Variants in NFIL3 observed in about 807,000 individuals in gnomAD.
The protein encoded by NFIL3 is nuclear factor, interleukin 3 regulated.
Under a neutral mutation model 10.0 loss-of-function variants are expected in NFIL3, and 5 were observed. That is an observed-to-expected ratio of 0.50 (90% CI 0.26 to 1.06). The LOEUF is 1.06. NFIL3 is among the 50% of genes least tolerant of loss of function. The probability of loss-of-function intolerance (pLI) is 0.13; values close to 1 mark genes in which losing one functional copy is unlikely to be tolerated. For missense variants in NFIL3, 436 were observed against 547.6 expected (o/e 0.80, Z 2.03); for synonymous variants, 202 against 206.5 (o/e 0.98, Z 0.19).
chr9:91,473,853 A>G, the NFIL3 span, among the ~76,000 whole-genome samples: 1 of 152,214 alleles, frequency 6.6e-6, no homozygotes, highest in Non-Finnish European at 1.5e-5. Context: ...ACAATCTCCA[A>G]TTCTCTGAGA....
the NFIL3 span, among the ~76,000 whole-genome samples, chr9:91,460,268 G>GTTTTT: frequency 1.3e-5 from 1 of 77,090 alleles, no homozygotes; most frequent in African/African-American, 1.3e-4. Flanking sequence ...GGAGGGCTTG[G>GTTTTT]TTCTTTTTTT....
the NFIL3 span, among the ~76,000 whole-genome samples, chr9:91,444,348 A>AATTATCTATC: frequency 6.6e-6 from 1 of 152,140 alleles, no homozygotes; most frequent in African/African-American, 2.4e-5. Context: ...GATTTCATTG[A>AATTATCTATC]ATTATCTATC....
At position 91,410,843 on chromosome 9, in the gene NFIL3, G is replaced by T; in HGVS notation, c.-109C>A. Reference sequence around the variant, plus strand: ...AAAATCCATCAATATTCTTCCTTTTGTTCTACCGTCTGGGATAAATCCGTC... The same window carrying T: ...AAAATCCATCAATATTCTTCCTTTTTTTCTACCGTCTGGGATAAATCCGTC... On this transcript the variant is annotated 5_prime_UTR_variant, in exon 2 of 2. Coordinates refer to ENST00000297689, the MANE Select transcript of NFIL3 (RefSeq NM_005384.3). The surrounding 1 kb of genome is among the most constrained non-coding windows in gnomAD (Gnocchi z 5.7). The T allele has an allele frequency of 8.4e-7, 1 of 1,197,558 alleles. No individual in the cohort carries two copies. The highest frequency in any genetic ancestry group is 1.2e-6 in the Non-Finnish European group (1 of 868,200). The allele number at this position is 1,197,558 out of a possible 1,614,324, so 74.2% of individuals were successfully genotyped here.
chr9:91,445,278 A>G, the NFIL3 span, among the ~76,000 whole-genome samples: 1 of 152,190 alleles, frequency 6.6e-6, no homozygotes, highest in Admixed American at 6.5e-5. Context: ...GATACCACAC[A>G]GTAGTGACTC....
At chr9:91,458,108 AT>A in the NFIL3 span, among the ~76,000 whole-genome samples, 2 of 152,096 alleles carry the variant, frequency 1.3e-5, no homozygotes, top group Admixed American at 6.5e-5. Flanking sequence ...TTAATCTGTA[AT>A]TAAAAAAATA....
At chr9:91,431,145 G>T in the NFIL3 span, among the ~76,000 whole-genome samples, 60 of 152,330 alleles carry the variant, frequency 3.9e-4, 1 homozygote, top group African/African-American at 1.4e-3. Context: ...GGGACCTGGA[G>T]TAGCAAAACC....
the NFIL3 span, among the ~76,000 whole-genome samples, chr9:91,451,707 G>T: frequency 6.6e-6 from 1 of 152,166 alleles, no homozygotes; most frequent in Admixed American, 6.5e-5. Context: ...TCTAAGATGT[G>T]TGGGTTCTTG....
Position 91,409,643 on chromosome 9 carries a change from T to C in NFIL3, c.1092A>G (p.Glu364=). Residue 364 remains glutamate, a synonymous_variant, in exon 2 of 2, where the codon GAA becomes GAG. Coordinates refer to ENST00000297689, the MANE Select transcript of NFIL3 (RefSeq NM_005384.3). The part of the protein sequence containing the change: ...PIDMTSKRHF[E]LEKHSAPSMV... ...TACTTGGGGCACTATGCTTTTCGAG[T>C]TCGAAATGTCTTTTAGATGTCATGT... 6.2e-7 allele frequency: 1 copy of C among 1,614,170 alleles called. No homozygotes were observed. The highest frequency in any genetic ancestry group is 8.5e-7 in the Non-Finnish European group (1 of 1,180,028).
upstream of NFIL3, among the ~76,000 whole-genome samples, chr9:91,425,732 C>G (rs1833866016): frequency 6.6e-6 from 1 of 152,240 alleles, no homozygotes; most frequent in South Asian, 2.1e-4. Flanking sequence ...CCGGCCACAG[C>G]CTCCCTGGTA....
the NFIL3 span, among the ~76,000 whole-genome samples, chr9:91,480,393 A>C: frequency 6.6e-6 from 1 of 152,170 alleles, no homozygotes; most frequent in African/African-American, 2.4e-5. Context: ...GAGAGCATAA[A>C]CATGAAACAT....
the NFIL3 span, among the ~76,000 whole-genome samples, chr9:91,430,457 G>A: frequency 3.2e-4 from 49 of 152,214 alleles, no homozygotes; most frequent in Admixed American, 1.3e-4. Context: ...GGCCCTTAGA[G>A]GTTAATGGGA....
chr9:91,410,679 C>T lies in NFIL3; in HGVS notation c.56G>A (p.Ser19Asn). The change falls in exon 2 of 2, where the codon AGT becomes AAT. Residue 19 changes from serine to asparagine, a missense_variant. This residue lies in a region of NFIL3 where 76 missense variants were observed against 73.0 expected (regional missense o/e 1.04). Transcript: ENST00000297689. The surrounding 1 kb of genome is among the most constrained non-coding windows in gnomAD (Gnocchi z 5.7). ...VKKEQASLDA[S>N]SNVDKMMVLN... ...GACCATCATCTTGTCCACATTGCTA[C>T]TGGCATCAAGAGACGCCTGCTCCTT... 6.2e-7 allele frequency: 1 copy of T among 1,612,230 alleles called. No homozygotes were observed. The highest frequency in any genetic ancestry group is 8.5e-7 in the Non-Finnish European group (1 of 1,179,496).
intron 1 of NFIL3, among the ~76,000 whole-genome samples, chr9:91,421,100 G>A (rs1356295378): frequency 2.0e-5 from 3 of 152,184 alleles, no homozygotes; most frequent in Non-Finnish European, 4.4e-5. Flanking sequence ...TTGGAACAAA[G>A]GTGTCTGCAG....
At chr9:91,457,475 A>G in the NFIL3 span, among the ~76,000 whole-genome samples, 2 of 151,988 alleles carry the variant, frequency 1.3e-5, no homozygotes, top group Non-Finnish European at 2.9e-5. Context: ...TTCATTCCCA[A>G]GTGTTTTTTA....
At chr9:91,426,998 A>C (rs1833879432), upstream of NFIL3, 1 of 152,178 alleles carries the variant, frequency 6.6e-6, no homozygotes, top group East Asian at 1.9e-4. Context: ...CCACTGAAGA[A>C]GACTGTTTTT....
chr9:91,415,584 T>TG (rs1358164166), intron 1 of NFIL3, among the ~76,000 whole-genome samples: 1 of 152,114 alleles, frequency 6.6e-6, no homozygotes, highest in Non-Finnish European at 1.5e-5. Flanking sequence ...TAAGTTACTT[T>TG]GGGCGCAGTA....
chr9:91,425,173 C>G (rs765965195), upstream of NFIL3, among the ~76,000 whole-genome samples: 1 of 152,202 alleles, frequency 6.6e-6, no homozygotes, highest in African/African-American at 2.4e-5. Flanking sequence ...AGTGCCTCCA[C>G]GACTTTCCAC....
chr9:91,455,539 T>C, the NFIL3 span, among the ~76,000 whole-genome samples: 3 of 152,224 alleles, frequency 2.0e-5, no homozygotes, highest in Non-Finnish European at 2.9e-5. Flanking sequence ...AAAATTCTTT[T>C]TAAATCTTTT....
chr9:91,417,182 A>C (rs542000928), intron 1 of NFIL3, among the ~76,000 whole-genome samples: 1 of 152,272 alleles, frequency 6.6e-6, no homozygotes, highest in South Asian at 2.1e-4. Context: ...ATGAAATACT[A>C]TTTGATATGC....
Sources: allele counts gnomAD v4.1 joint callset (sites outside exome capture counted in the v4.1 genomes callset), GRCh38; gene constraint gnomAD v4.1.1; regional missense constraint gnomAD v4.1.1; non-coding constraint Gnocchi (gnomAD v3.1); transcripts MANE v1.5; gene names NCBI Gene and HGNC (gene_info 2026-07-23, HGNC 2026-07-21).